Variants in ZNF471 observed in about 807,000 individuals in gnomAD.
The protein encoded by ZNF471 is EZFIT-related protein 1.
ZNF471 carries 7 observed loss-of-function variants against 13.7 expected under a neutral mutation model. The observed-to-expected ratio is 0.51, with a 90% confidence interval of 0.29 to 0.96. The LOEUF (loss-of-function observed/expected upper bound fraction) is 0.96. Ranked by LOEUF, ZNF471 falls within the 40% of genes least tolerant of loss-of-function variation. The pLI is 0.08. For synonymous variants in ZNF471, 218 were observed against 235.6 expected, an observed-to-expected ratio of 0.93 and a Z score of 0.68; for missense variants, 663 against 743.3, an observed-to-expected ratio of 0.89 and a Z score of 1.26.
At chr19:56,521,000 A>C (rs2147921888) in intron 4 of ZNF471, among the ~76,000 whole-genome samples, 1 of 152,346 alleles carries the variant, frequency 6.6e-6, no homozygotes, top group South Asian at 2.1e-4. Flanking sequence ...AAGGAGGAGC[A>C]AAGTCACTTC....
chr19:56,510,101 C>G lies in ZNF471; in HGVS notation c.-55-1416C>G. 1.0e-6 allele frequency: 1 copy of G among 985,352 alleles called. No individual in the cohort carries two copies. Among genetic ancestry groups the G allele is most frequent in the Non-Finnish European group, 1.2e-6 (1 of 829,996 alleles). The allele number at this position is 985,352 out of a possible 1,614,324, so 61.0% of individuals were successfully genotyped here. A position where few individuals can be genotyped will look rare whatever the true frequency, so the allele number is the denominator to read the frequency against. ...AGACTAGAGTATGTCTCTGTCTGGA[C>G]TGGTAGGTTGTGAGAGGGTGTATCA... On this transcript the variant is annotated intron_variant, in intron 1 of 4. Transcript: ENST00000308031. This position sits in a 1 kb window ranked among gnomAD's most constrained non-coding sequence, Gnocchi z 4.3.
intron 2 of ZNF471, among the ~76,000 whole-genome samples, chr19:56,512,318 T>G (rs1296091250): frequency 4.6e-5 from 7 of 151,754 alleles, no homozygotes; most frequent in Non-Finnish European, 8.8e-5. Flanking sequence ...AATTTTTGTC[T>G]ACCTTTAGGT....
chr19:56,523,027 C>A (rs943892299), intron 4 of ZNF471, among the ~76,000 whole-genome samples: 1 of 152,216 alleles, frequency 6.6e-6, no homozygotes, highest in Non-Finnish European at 1.5e-5. Flanking sequence ...TGAGCCATTG[C>A]ACCTGGCCGA....
In ZNF471 at chr19:56,526,638, G is replaced by A. The variant is rs1204019157; in HGVS notation, c.*690G>A. The A allele has an allele frequency of 6.6e-6, 1 of 152,270 alleles. No individual in the cohort carries two copies. The highest frequency in any genetic ancestry group is 1.5e-5 in the Non-Finnish European group (1 of 68,136). The allele number at this position is 152,270 out of a possible 1,614,324, so 9.4% of individuals were successfully genotyped here. On this transcript the variant is annotated 3_prime_UTR_variant, in exon 5 of 5. Transcript: ENST00000308031. ...CTCCCTGCCAGCACAGCAGTCTGAAGTCAACCTGGGATGATCAAGCTTGGT... is the reference window on the plus strand; with the variant it reads ...CTCCCTGCCAGCACAGCAGTCTGAAATCAACCTGGGATGATCAAGCTTGGT...
At chr19:56,517,650 AG>A (rs2043911810) in intron 3 of ZNF471, among the ~76,000 whole-genome samples, 1 of 152,046 alleles carries the variant, frequency 6.6e-6, no homozygotes. Context: ...TATGTTGCTC[AG>A]GTTGGTCTTG....
rs2044016279 is a variant in ZNF471 at position 56,524,453 on chromosome 19, AC to A, written c.388del (p.Leu130PhefsTer17). The A allele has an allele frequency of 1.9e-6, 3 of 1,613,846 alleles. No homozygotes were observed. Among genetic ancestry groups the A allele is most frequent in the Non-Finnish European group, 2.5e-6 (3 of 1,179,954 alleles). On this transcript the variant is annotated frameshift_variant, in exon 5 of 5. Coordinates refer to ENST00000308031, the MANE Select transcript of ZNF471 (RefSeq NM_020813.4). LOFTEE classifies it low-confidence loss of function (END_TRUNC). This position sits in a 1 kb window ranked among gnomAD's most constrained non-coding sequence, Gnocchi z 4.8. ...STFEENWKWE[D>X]LFEKQMGSHE... ...TTTGAAGAAAATTGGAAATGGGAAG[AC>A]CTTTTTGAGAAGCAGATGGGAAGTC...
At chr19:56,509,034 T>C (rs2043774059) in intron 1 of ZNF471, among the ~76,000 whole-genome samples, 1 of 152,210 alleles carries the variant, frequency 6.6e-6, no homozygotes, top group South Asian at 2.1e-4. Flanking sequence ...TTACGACTTC[T>C]AAGATCCTTG....
Position 56,525,781 on chromosome 19 carries a change from A to G in ZNF471, c.1714A>G (p.Lys572Glu), listed in dbSNP as rs1257151190. The G allele has an allele frequency of 1.9e-6, 3 of 1,614,096 alleles. No homozygotes were observed. The East Asian group carries it at 6.7e-5, about 36-fold the overall frequency. The change falls in exon 5 of 5, where the codon AAA (lysine) becomes GAA (glutamate). Residue 572 changes from lysine (K) to glutamate (E), a missense_variant. Transcript: ENST00000308031. ...QRIHTGEKPY[K>E]CTECGKAFSD... The stretch of plus-strand genomic sequence containing the variant: ...AATTCATACTGGAGAGAAACCCTAT[A>G]AATGTACTGAATGTGGAAAGGCTTT...
intron 3 of ZNF471, among the ~76,000 whole-genome samples, chr19:56,518,262 T>C (rs1031434873): frequency 2.0e-5 from 3 of 152,138 alleles, no homozygotes; most frequent in African/African-American, 2.4e-5. Context: ...AATGTTGGGC[T>C]AAATTTCTGC....
rs140075997 is a variant in ZNF471, at chr19:56,513,783, G to A, written c.33+2179G>A. 9.8e-3 allele frequency among the ~76,000 whole-genome samples: 1,488 copies of A among 152,034 alleles called. 10 individuals carry two copies. The highest frequency in any genetic ancestry group is 0.014 in the Middle Eastern group (4 of 292). ...ATGCCTCATTTTGGGTTTAGTGCTA[G>A]ACTTTATATATTTTTAAAAGATAGT... On this transcript the variant is annotated intron_variant, in intron 2 of 4. Transcript: ENST00000308031.
rs945191396 is a variant in ZNF471 at position 56,524,162 on chromosome 19, C to T, written c.257-162C>T. Among the ~76,000 whole-genome samples, 1 of 152,182 alleles carries T rather than the reference C, an allele frequency of 6.6e-6. No homozygotes were observed. Among genetic ancestry groups the T allele is most frequent in the Non-Finnish European group, 1.5e-5 (1 of 68,032 alleles). On this transcript the variant is annotated intron_variant, in intron 4 of 4. Coordinates refer to ENST00000308031, the MANE Select transcript of ZNF471 (RefSeq NM_020813.4). This position sits in a 1 kb window ranked among gnomAD's most constrained non-coding sequence, Gnocchi z 4.8. Reference sequence around the variant, plus strand: ...CACCTCTCCCATGTTCCTTCATGAGCTGTCTTTCTTGGGGTCTCCCTGAAT... The same window carrying T: ...CACCTCTCCCATGTTCCTTCATGAGTTGTCTTTCTTGGGGTCTCCCTGAAT...
intron 1 of ZNF471, among the ~76,000 whole-genome samples, chr19:56,511,147 A>G (rs1600505104): frequency 6.7e-6 from 1 of 149,660 alleles, no homozygotes; most frequent in East Asian, 2.0e-4. Flanking sequence ...AAGGAGCCAG[A>G]TTTTCAAACA....
Position 56,529,193 on chromosome 19 carries a change from C to A in ZNF471, c.*3245C>A, listed in dbSNP as rs957392900. On this transcript the variant is annotated 3_prime_UTR_variant, in exon 5 of 5. Transcript: ENST00000308031. ...TGTTGAGTGTTAATTAGGCAGGAATCAGAAGGGAGGTTTTGTAGAAGGTCG... is the reference window on the plus strand; with the variant it reads ...TGTTGAGTGTTAATTAGGCAGGAATAAGAAGGGAGGTTTTGTAGAAGGTCG... The A allele has an allele frequency of 6.6e-6, 1 of 152,130 alleles. No homozygotes were observed. Among genetic ancestry groups the A allele is most frequent in the Non-Finnish European group, 1.5e-5 (1 of 68,032 alleles). 9.4% of individuals were successfully genotyped at this position (152,130 alleles called of 1,614,324 possible).
At chr19:56,517,405 C>T (rs2043907167) in intron 3 of ZNF471, among the ~76,000 whole-genome samples, 1 of 151,692 alleles carries the variant, frequency 6.6e-6, no homozygotes, top group Non-Finnish European at 1.5e-5. Flanking sequence ...TGGGTTCACG[C>T]CATTCTCCTG....
intron 3 of ZNF471, among the ~76,000 whole-genome samples, chr19:56,518,174 C>T (rs2043919781): frequency 6.6e-6 from 1 of 152,028 alleles, no homozygotes; most frequent in East Asian, 1.9e-4. Flanking sequence ...CTAAAGCAGG[C>T]AATTATCTCA....
At chr19:56,511,390 C>A in intron 1 of ZNF471, 127 bp from the exon 2 acceptor site, 1 of 648,124 alleles carries the variant, frequency 1.5e-6, no homozygotes, top group Non-Finnish European at 2.5e-6. Flanking sequence ...CCTTCAGTGG[C>A]CATAGGTTGC....
chr19:56,508,044 T>C lies in ZNF471; in HGVS notation c.-56+124T>C, dbSNP rs1442651750. The C allele has an allele frequency of 1.0e-6, 1 of 985,574 alleles. No homozygotes were observed. 61.1% of individuals were successfully genotyped at this position (985,574 alleles called of 1,614,324 possible). ...GTCCTCTGTCCCCAGGACGACTACA[T>C]TTCCCAGAGGCCAGCGGGGCGCGCG... On this transcript the variant is annotated intron_variant, in intron 1 of 4. Transcript: ENST00000308031. The surrounding 1 kb of genome is among the most constrained non-coding windows in gnomAD (Gnocchi z 4.7).
chr19:56,524,708 C>A lies in ZNF471; in HGVS notation c.641C>A (p.Thr214Asn). The change falls in exon 5 of 5, where the codon ACC becomes AAC. Residue 214 changes from threonine to asparagine, a missense_variant. By Grantham distance (65) the Thr-to-Asn change is moderately conservative. Coordinates refer to ENST00000308031, the MANE Select transcript of ZNF471 (RefSeq NM_020813.4). This position sits in a 1 kb window ranked among gnomAD's most constrained non-coding sequence, Gnocchi z 4.8. ...KLFKCNECDK[T>N]FTHSSSLTVH... ...TTTAAATGTAATGAATGTGACAAAACCTTCACCCATAGCTCATCCCTTACT... is the reference window on the plus strand; with the variant it reads ...TTTAAATGTAATGAATGTGACAAAAACTTCACCCATAGCTCATCCCTTACT... The A allele has an allele frequency of 6.3e-7, 1 of 1,585,446 alleles. No individual in the cohort carries two copies.
At chr19:56,512,106 A>G (rs2043820223) in intron 2 of ZNF471, among the ~76,000 whole-genome samples, 1 of 151,682 alleles carries the variant, frequency 6.6e-6, no homozygotes, top group Admixed American at 6.6e-5. Flanking sequence ...ATTCTACTTA[A>G]TTTTTGCAAA....
Sources: allele counts gnomAD v4.1 joint callset (sites outside exome capture counted in the v4.1 genomes callset), GRCh38; gene constraint gnomAD v4.1.1; non-coding constraint Gnocchi (gnomAD v3.1); transcripts MANE v1.5; gene names NCBI Gene and HGNC (gene_info 2026-07-23, HGNC 2026-07-21).